The following STYXL1 variants were observed in gnomAD, a reference collection of about 807,000 sequenced individuals.
STYXL1 encodes serine/threonine/tyrosine-interacting-like protein 1.
STYXL1 carries 32 observed loss-of-function variants against 36.4 expected under a neutral mutation model. The ratio of observed to expected loss-of-function variants is 0.88; its 90% CI spans 0.66 to 1.18. The LOEUF (loss-of-function observed/expected upper bound fraction) is 1.18. Ranked by LOEUF, STYXL1 falls within the 50% of genes most tolerant of loss-of-function variation. STYXL1 has a pLI of 0.00. For missense variants in STYXL1, 354 were observed against 394.1 expected (o/e 0.90, Z 0.86); for synonymous variants, 133 against 144.1 (o/e 0.92, Z 0.55).
At chr7:76,040,760 TG>T (rs1176764213) in intron 1 of STYXL1, among the ~76,000 whole-genome samples, 1 of 149,150 alleles carries the variant, frequency 6.7e-6, no homozygotes, top group African/African-American at 2.5e-5. Flanking sequence ...CGCTTGAACC[TG>T]GGAGACGGAG....
intron 3 of STYXL1, among the ~76,000 whole-genome samples, chr7:76,027,934 T>A (rs185493858): frequency 1.3e-5 from 2 of 152,182 alleles, no homozygotes; most frequent in East Asian, 3.9e-4. Flanking sequence ...TGCAACCCCA[T>A]TTCTATAAAA....
At chr7:76,021,712 T>C in intron 4 of STYXL1, 139 bp downstream of exon 4, 1 of 700,758 alleles carries the variant, frequency 1.4e-6, no homozygotes, top group Non-Finnish European at 2.5e-6. Flanking sequence ...ATCATGAAGC[T>C]CTTTTTCTGA....
chr7:76,002,227 T>C (rs1348013590), intron 7 of STYXL1, among the ~76,000 whole-genome samples: 1 of 152,178 alleles, frequency 6.6e-6, no homozygotes, highest in Admixed American at 6.5e-5. Context: ...TCATACAGTT[T>C]GGTTTTGTTC....
intron 1 of STYXL1, among the ~76,000 whole-genome samples, chr7:76,037,706 CA>C (rs1554581037): frequency 1.3e-5 from 2 of 149,656 alleles, no homozygotes; most frequent in African/African-American, 4.9e-5. Flanking sequence ...CCCTAACCCC[CA>C]AGACAGTCCA....
At chr7:76,003,185 C>T (rs782497406) in intron 7 of STYXL1, among the ~76,000 whole-genome samples, 4 of 152,164 alleles carry the variant, frequency 2.6e-5, no homozygotes, top group Non-Finnish European at 4.4e-5. Context: ...CCTATAATCC[C>T]AGCACCTTGA....
Position 76,003,847 on chromosome 7 carries a change from C to T in STYXL1, c.608G>A (p.Gly203Asp). The T allele has an allele frequency of 6.2e-7, 1 of 1,614,118 alleles. No homozygotes were observed. Among genetic ancestry groups the T allele is most frequent in the Admixed American group, 1.7e-5 (1 of 60,020 alleles). Residue 203 changes from glycine to aspartate, a missense_variant, in exon 7 of 9, where the codon GGC (glycine) becomes GAC (aspartate). Transcript: ENST00000359697. The part of the protein sequence containing the change: ...VSMDTGPFFA[G>D]DADKLLHIRI... The stretch of plus-strand genomic sequence containing the variant: ...GATGTGCAGAAGCTTGTCAGCATCG[C>T]CTGCAAAACTACACGGAAGGACCAC...
At position 76,007,896 on chromosome 7, in the gene STYXL1, CAAA is replaced by C. The variant is rs34975812; in HGVS notation, c.454-2495_454-2493del. Among the ~76,000 whole-genome samples the C allele has an allele frequency of 4.7e-3, 505 of 107,048 alleles. 6 individuals are homozygous for C. Among genetic ancestry groups the C allele is most frequent in the African/African-American group, 0.016 (484 of 30,168 alleles). 70.2% of individuals were successfully genotyped at this position (107,048 alleles called of 152,430 possible). ...CATCACTGCACTCCAGCCTGTCTCT[CAAA>C]AAAAAAAAAAAAAAAATAGCCGGGC... On this transcript the variant is annotated intron_variant, in intron 5 of 8. Transcript: ENST00000359697.
chr7:76,022,017 C>G (rs376264611), intron 3 of STYXL1, 25 bp from the exon 4 acceptor site: 2 of 1,592,740 alleles, frequency 1.3e-6, no homozygotes, highest in Non-Finnish European at 1.7e-6. Flanking sequence ...CACACACACA[C>G]AAGAGAGGCC....
chr7:76,012,347 C>T (rs1792663100), intron 5 of STYXL1, among the ~76,000 whole-genome samples: 1 of 152,088 alleles, frequency 6.6e-6, no homozygotes, highest in South Asian at 2.1e-4. Flanking sequence ...ATGGCAACGG[C>T]TCACTGCAGC....
intron 3 of STYXL1, among the ~76,000 whole-genome samples, chr7:76,023,765 C>T (rs550257015): frequency 4.6e-5 from 7 of 152,106 alleles, no homozygotes; most frequent in African/African-American, 1.2e-4. Flanking sequence ...TCTGTAATCC[C>T]AGCACTTTGG....
At chr7:76,031,992 T>C (rs1563514351) in intron 1 of STYXL1, among the ~76,000 whole-genome samples, 2 of 151,994 alleles carry the variant, frequency 1.3e-5, no homozygotes, top group Non-Finnish European at 2.9e-5. Context: ...CTCAGGGCCA[T>C]GCATAGTGAC....
rs141654326 is a variant in STYXL1, at chr7:76,005,320, T to C, written c.538A>G (p.Lys180Glu). The change falls in exon 6 of 9, where the codon AAG (lysine) becomes GAG (glutamate). Residue 180 changes from lysine (K) to glutamate (E), a missense_variant. Coordinates refer to ENST00000359697, the MANE Select transcript of STYXL1 (RefSeq NM_001317785.2). ...TTGATTTTCAAGTCCTTCTGAATCTTGGGGTCACAGGCTTGACTGAAATTG... is the reference window on the plus strand; with the variant it reads ...TTGATTTTCAAGTCCTTCTGAATCTCGGGGTCACAGGCTTGACTGAAATTG... ...VGNFSQACDP[K>E]IQKDLKIKAH... 3.3e-4 allele frequency: 528 copies of C among 1,613,094 alleles called. 3 individuals are homozygous for C. The highest frequency in any genetic ancestry group is 5.5e-5 in the Non-Finnish European group (65 of 1,179,358).
chr7:76,021,327 C>T (rs536542544), intron 4 of STYXL1, among the ~76,000 whole-genome samples: 4 of 152,136 alleles, frequency 2.6e-5, no homozygotes, highest in South Asian at 2.1e-4. Flanking sequence ...GTGATCCGCC[C>T]GCCTCGGCCT....
rs553515688 is a variant in STYXL1, at chr7:76,000,322, C to T, written c.810+568G>A. 5.8e-4 allele frequency: 251 copies of T among 431,258 alleles called. 2 individuals are homozygous for T. Among genetic ancestry groups the T allele is most frequent in the African/African-American group, 4.8e-3 (237 of 49,412 alleles). The allele number at this position is 431,258 out of a possible 1,614,324, so 26.7% of individuals were successfully genotyped here. A position where few individuals can be genotyped will look rare whatever the true frequency, so the allele number is the denominator to read the frequency against. ...AAGCCACTGGCCAACGAGTTTTATTCTTTGTCCCTCTCCTTCCCCCAAAAA... is the reference window on the plus strand; with the variant it reads ...AAGCCACTGGCCAACGAGTTTTATTTTTTGTCCCTCTCCTTCCCCCAAAAA... On this transcript the variant is annotated intron_variant, in intron 8 of 8. Transcript: ENST00000359697.
intron 5 of STYXL1, among the ~76,000 whole-genome samples, chr7:76,012,807 T>C (rs964305893): frequency 6.6e-6 from 1 of 152,226 alleles, no homozygotes; most frequent in Non-Finnish European, 1.5e-5. Flanking sequence ...GCTAGGCTTA[T>C]AGGCGTGAGC....
chr7:76,042,082 G>T (rs1041100669), intron 1 of STYXL1, among the ~76,000 whole-genome samples: 1 of 152,156 alleles, frequency 6.6e-6, no homozygotes, highest in Non-Finnish European at 1.5e-5. Flanking sequence ...GTGCATGTAC[G>T]CATGTGTGTG....
At chr7:76,022,830 G>A (rs1007292438) in intron 3 of STYXL1, among the ~76,000 whole-genome samples, 30 of 151,754 alleles carry the variant, frequency 2.0e-4, no homozygotes, top group African/African-American at 7.3e-4. Flanking sequence ...GGGAGGCTGA[G>A]GTGGGAGGAT....
In STYXL1 at chr7:76,033,155, T is replaced by C. The variant is rs192128577; in HGVS notation, c.-4-2628A>G. Among the ~76,000 whole-genome samples, 256 of 152,260 alleles carry C rather than the reference T, an allele frequency of 1.7e-3. 2 individuals are homozygous for C. The highest frequency in any genetic ancestry group is 0.014 in the Middle Eastern group (4 of 294). On this transcript the variant is annotated intron_variant, in intron 1 of 8. Transcript: ENST00000359697. The stretch of plus-strand genomic sequence containing the variant: ...TTCCTGTAGGAAGGCTTTTATTTTA[T>C]TTATTTTTGAGACAGGGTCTTTTTC...
At chr7:76,026,009 G>A (rs560899070) in intron 3 of STYXL1, among the ~76,000 whole-genome samples, 1 of 150,056 alleles carries the variant, frequency 6.7e-6, no homozygotes, top group East Asian at 2.0e-4. Context: ...TGGCTAACAC[G>A]GTGAAACCCC....
Sources: gnomAD v4.1 joint callset for allele counts (sites outside exome capture counted in the v4.1 genomes callset) on GRCh38, gnomAD v4.1.1 for gene constraint, MANE v1.5 for transcripts, NCBI Gene and HGNC (gene_info 2026-07-23, HGNC 2026-07-21) for gene names.